The following EPHA6 variants were observed in gnomAD, a reference collection of about 807,000 sequenced individuals.
The protein encoded by EPHA6 is ephrin type-A receptor 6.
Under a neutral mutation model 112.0 loss-of-function variants are expected in EPHA6, and 50 were observed. The ratio of observed to expected loss-of-function variants is 0.45; its 90% CI spans 0.36 to 0.56. The LOEUF (loss-of-function observed/expected upper bound fraction) is 0.56, where lower values mean the gene tolerates loss of function less well. EPHA6 is among the 20% of genes least tolerant of loss of function. The pLI is 0.00. For synonymous variants in EPHA6, 529 were observed against 490.7 expected, an observed-to-expected ratio of 1.08 and a Z score of -1.03; for missense variants, 1,280 against 1,417.4, an observed-to-expected ratio of 0.90 and a Z score of 1.56.
intron 14 of EPHA6, among the ~76,000 whole-genome samples, chr3:97,717,474 C>A (rs2034300719): frequency 6.6e-6 from 1 of 152,134 alleles, no homozygotes; most frequent in African/African-American, 2.4e-5. Context: ...GACAGCTTGG[C>A]TTCTCCTAAG....
At chr3:96,975,938 A>T (rs964699176) in intron 2 of EPHA6, among the ~76,000 whole-genome samples, 8 of 152,042 alleles carry the variant, frequency 5.3e-5, no homozygotes, top group African/African-American at 1.7e-4. Flanking sequence ...TCTACATAAA[A>T]TTTTTCTTAA....
intron 2 of EPHA6, among the ~76,000 whole-genome samples, chr3:96,985,619 T>C (rs568484938): frequency 2.0e-5 from 3 of 152,278 alleles, no homozygotes; most frequent in South Asian, 4.1e-4. Context: ...ATGTGTGTAT[T>C]TTGTAAAATT....
chr3:96,921,347 C>T (rs1300004507), intron 2 of EPHA6, among the ~76,000 whole-genome samples: 3 of 151,802 alleles, frequency 2.0e-5, no homozygotes, highest in Non-Finnish European at 2.9e-5. Flanking sequence ...TTTGATAAAA[C>T]ATTTTTTAAA....
chr3:97,643,100 A>C (rs2094024289), intron 14 of EPHA6, among the ~76,000 whole-genome samples: 1 of 152,242 alleles, frequency 6.6e-6, no homozygotes, highest in Non-Finnish European at 1.5e-5. Flanking sequence ...CTCTCGGCAG[A>C]AACCCTGCAA....
At chr3:97,276,459 A>T (rs111629787) in intron 5 of EPHA6, among the ~76,000 whole-genome samples, 1,959 of 151,910 alleles carry the variant, frequency 0.013, 45 homozygotes, top group African/African-American at 0.043. Context: ...CTCCTGGGAG[A>T]GGAGGTTCTG....
chr3:97,171,161 A>T (rs1159727612), intron 3 of EPHA6, among the ~76,000 whole-genome samples: 1 of 152,156 alleles, frequency 6.6e-6, no homozygotes, highest in Non-Finnish European at 1.5e-5. Context: ...GATGGACGGC[A>T]TTGATTTCCC....
chr3:97,342,593 C>T (rs2083362622), intron 5 of EPHA6, among the ~76,000 whole-genome samples: 1 of 152,172 alleles, frequency 6.6e-6, no homozygotes, highest in Non-Finnish European at 1.5e-5. Flanking sequence ...ACGCCCTAAC[C>T]TTCAATGTGA....
At chr3:97,721,557 A>ACT (rs2107798284) in intron 15 of EPHA6, among the ~76,000 whole-genome samples, 1 of 152,312 alleles carries the variant, frequency 6.6e-6, no homozygotes, top group South Asian at 2.1e-4. Flanking sequence ...GGCCAAACAC[A>ACT]CTGCTCAGTC....
intron 2 of EPHA6, among the ~76,000 whole-genome samples, chr3:96,895,671 T>G (rs957384584): frequency 6.6e-6 from 1 of 152,174 alleles, no homozygotes; most frequent in Non-Finnish European, 1.5e-5. Context: ...GTTGTTGTTG[T>G]TGTACCATTT....
chr3:97,444,997 A>G (rs2090284014), intron 6 of EPHA6, among the ~76,000 whole-genome samples: 1 of 152,100 alleles, frequency 6.6e-6, no homozygotes, highest in Non-Finnish European at 1.5e-5. Flanking sequence ...CATAGGTAAA[A>G]GTCAACATCT....
At chr3:96,935,953 A>G (rs530216846) in intron 2 of EPHA6, among the ~76,000 whole-genome samples, 4 of 152,066 alleles carry the variant, frequency 2.6e-5, no homozygotes, top group African/African-American at 7.2e-5. Context: ...CAGAGCTGCT[A>G]AAACAGTATG....
At chr3:96,824,807 T>G (rs2033536452) in intron 1 of EPHA6, among the ~76,000 whole-genome samples, 1 of 152,032 alleles carries the variant, frequency 6.6e-6, no homozygotes, top group Admixed American at 6.6e-5. Flanking sequence ...TAAATATTCA[T>G]TTAGTATATT....
At chr3:97,400,881 T>A (rs1021290063) in intron 5 of EPHA6, among the ~76,000 whole-genome samples, 1 of 151,830 alleles carries the variant, frequency 6.6e-6, no homozygotes, top group Admixed American at 6.6e-5. Flanking sequence ...TTTTACTTCC[T>A]CCTTTCCAAT....
chr3:97,753,199 G>C lies in EPHA6; in HGVS notation c.*4498G>C, dbSNP rs2035941889. On this transcript the variant is annotated 3_prime_UTR_variant, in exon 18 of 18. Transcript: ENST00000389672. ...AATATCTATGGAATATCTCCTATAT[G>C]CACAAAATTTTACTACAAAGATACG... is the stretch of plus-strand genomic sequence containing the variant. Among the ~76,000 whole-genome samples the C allele has an allele frequency of 6.6e-6, 1 of 151,940 alleles. No individual in the cohort carries two copies. The highest frequency in any genetic ancestry group is 1.5e-5 in the Non-Finnish European group (1 of 67,990).
intron 5 of EPHA6, among the ~76,000 whole-genome samples, chr3:97,325,311 C>T (rs548116884): frequency 1.3e-5 from 2 of 152,228 alleles, no homozygotes; most frequent in Admixed American, 1.3e-4. Context: ...AGTTTGGTTT[C>T]CTCTGCTGCC....
chr3:97,569,052 TG>T (rs2093303471), intron 11 of EPHA6, among the ~76,000 whole-genome samples: 1 of 152,178 alleles, frequency 6.6e-6, no homozygotes, highest in Admixed American at 6.5e-5. Flanking sequence ...GTAGGATTTT[TG>T]CTCAGACTGC....
At chr3:97,260,715 C>G (rs191860110) in intron 5 of EPHA6, among the ~76,000 whole-genome samples, 5 of 152,334 alleles carry the variant, frequency 3.3e-5, no homozygotes, top group African/African-American at 1.2e-4. Context: ...ACAGCAACAT[C>G]TCTGAGCATG....
chr3:97,286,182 C>T (rs990212071), intron 5 of EPHA6, among the ~76,000 whole-genome samples: 1 of 152,100 alleles, frequency 6.6e-6, no homozygotes, highest in Admixed American at 6.5e-5. Flanking sequence ...TATTTTCTCC[C>T]ATTAAACAGT....
At chr3:96,832,171 A>G (rs893784517) in intron 1 of EPHA6, among the ~76,000 whole-genome samples, 1 of 152,080 alleles carries the variant, frequency 6.6e-6, no homozygotes, top group Non-Finnish European at 1.5e-5. Flanking sequence ...TTCACTGCTC[A>G]TGTAATTATC....
Sources: gnomAD v4.1 joint callset for allele counts (sites outside exome capture counted in the v4.1 genomes callset) on GRCh38, gnomAD v4.1.1 for gene constraint, MANE v1.5 for transcripts, NCBI Gene and HGNC (gene_info 2026-07-23, HGNC 2026-07-21) for gene names.